The following ADGRE3 variants were observed in gnomAD, a reference collection of about 807,000 sequenced individuals.
The protein encoded by ADGRE3 is adhesion G protein-coupled receptor E3.
In ADGRE3, 88 loss-of-function variants were observed where a neutral mutation model predicts 80.1. That is an observed-to-expected ratio of 1.10 (90% CI 0.93 to 1.31). The LOEUF (loss-of-function observed/expected upper bound fraction) is 1.31. ADGRE3 is among the 40% of genes most tolerant of loss of function. The probability of loss-of-function intolerance (pLI) is 0.00; values close to 1 mark genes in which losing one functional copy is unlikely to be tolerated. For missense variants in ADGRE3, 715 were observed against 776.5 expected, an observed-to-expected ratio of 0.92 and a Z score of 0.94; for synonymous variants, 281 against 294.8, an observed-to-expected ratio of 0.95 and a Z score of 0.48.
intron 11 of ADGRE3, among the ~76,000 whole-genome samples, chr19:14,636,093 T>TCC (rs1971058303): frequency 5.1e-5 from 2 of 39,158 alleles, no homozygotes; most frequent in Admixed American, 3.2e-4. Context: ...TTTCTTTCTT[T>TCC]CTTTCTTTCT....
At chr19:14,648,607 T>A (rs369991564) in intron 7 of ADGRE3, among the ~76,000 whole-genome samples, 113 of 152,302 alleles carry the variant, frequency 7.4e-4, no homozygotes, top group African/African-American at 2.6e-3. Flanking sequence ...TCCCCAGACA[T>A]GAGGCATGGA....
At chr19:14,650,431 G>A (rs1346805647) in intron 7 of ADGRE3, among the ~76,000 whole-genome samples, 3 of 84,548 alleles carry the variant, frequency 3.5e-5, no homozygotes, top group South Asian at 8.5e-4. Context: ...TCTTTCCATC[G>A]CTCTCCCCAT....
the ADGRE3 span, chr19:14,607,013 T>C: frequency 7.7e-7 from 1 of 1,303,778 alleles, no homozygotes; most frequent in Non-Finnish European, 9.8e-7. Context: ...CCAAGGCCCA[T>C]GGCTCTCCAC....
At chr19:14,670,813 G>A (rs1972234715) in intron 1 of ADGRE3, among the ~76,000 whole-genome samples, 1 of 152,226 alleles carries the variant, frequency 6.6e-6, no homozygotes, top group South Asian at 2.1e-4. Context: ...TGGCAGAGCT[G>A]AGGTTAAACA....
chr19:14,644,327 T>TTC, intron 8 of ADGRE3, 52 bp from the exon 9 acceptor site: 1 of 1,130,836 alleles, frequency 8.8e-7, no homozygotes, highest in Non-Finnish European at 1.2e-6. Flanking sequence ...CTTTCTTTCT[T>TTC]TTTTTTTTTT....
In ADGRE3 at chr19:14,630,060, G is replaced by A; in HGVS notation, c.1791C>T (p.Val597=). Residue 597 remains valine, a synonymous_variant, in exon 14 of 16, where the codon GTC becomes GTT. Coordinates refer to ENST00000253673, the MANE Select transcript of ADGRE3 (RefSeq NM_032571.5). ...NSLQGFFIFL[V]YCLLSQQVQK... ...TTACCTGCTGGCTGAGGAGGCAGTA[G>A]ACCAAGAAGATGAAGAAGCCTTGGA... is the stretch of plus-strand genomic sequence containing the variant. The A allele has an allele frequency of 6.2e-7, 1 of 1,609,746 alleles. No individual in the cohort carries two copies. Among genetic ancestry groups the A allele is most frequent in the African/African-American group, 1.3e-5 (1 of 74,888 alleles).
rs987646993 is a variant in ADGRE3 at position 14,642,625 on chromosome 19, CAT to C, written c.1051-1011_1051-1010del. ...TGTCTGTTGTTCCCCTCTTTGTGTC[CAT>C]ATGTCTCCTCATGTAGCTCCCACTT... is the stretch of plus-strand genomic sequence containing the variant. On this transcript the variant is annotated intron_variant, in intron 9 of 15. Coordinates refer to ENST00000253673, the MANE Select transcript of ADGRE3 (RefSeq NM_032571.5). Among the ~76,000 whole-genome samples the C allele has an allele frequency of 1.8e-4, 27 of 152,184 alleles. 1 individual carries two copies. The highest frequency in any genetic ancestry group is 5.8e-4 in the African/African-American group (24 of 41,532).
the ADGRE3 span, among the ~76,000 whole-genome samples, chr19:14,607,638 C>T: frequency 1.3e-4 from 19 of 151,838 alleles, no homozygotes; most frequent in African/African-American, 1.7e-4. Context: ...TGCAATGGTG[C>T]GATCTCAGCT....
chr19:14,611,143 C>T, the ADGRE3 span: 1 of 151,880 alleles, frequency 6.6e-6, no homozygotes, highest in African/African-American at 2.4e-5. Flanking sequence ...AAATTACAAA[C>T]CTAAAAATAC....
intron 1 of ADGRE3, among the ~76,000 whole-genome samples, chr19:14,669,236 A>G (rs1327327251): frequency 1.3e-5 from 2 of 152,240 alleles, no homozygotes; most frequent in Non-Finnish European, 2.9e-5. Context: ...CAGCCATAAG[A>G]AAGAATGAAA....
the ADGRE3 span, chr19:14,610,142 T>C: frequency 6.2e-7 from 1 of 1,604,290 alleles, no homozygotes; most frequent in Non-Finnish European, 8.5e-7. Context: ...CCTGGAATGA[T>C]CTCTCTTGCT....
At chr19:14,643,144 G>GTTTTTTT (rs373306807) in intron 9 of ADGRE3, among the ~76,000 whole-genome samples, 2 of 124,066 alleles carry the variant, frequency 1.6e-5, no homozygotes, top group African/African-American at 3.0e-5. Context: ...AGTAATCATG[G>GTTTTTTT]TTTTTTTTTT....
At chr19:14,607,553 A>T in the ADGRE3 span, among the ~76,000 whole-genome samples, 6 of 93,572 alleles carry the variant, frequency 6.4e-5, no homozygotes, top group East Asian at 7.3e-4. Flanking sequence ...TTATTTTATT[A>T]TTTATTTATT....
the ADGRE3 span, among the ~76,000 whole-genome samples, chr19:14,611,602 G>T: frequency 6.6e-6 from 1 of 152,006 alleles, no homozygotes; most frequent in Non-Finnish European, 1.5e-5. Context: ...ACATAGTGTG[G>T]CCAGGCAGGC....
chr19:14,605,543 T>C, the ADGRE3 span, among the ~76,000 whole-genome samples: 2 of 152,346 alleles, frequency 1.3e-5, no homozygotes, highest in Non-Finnish European at 2.9e-5. Flanking sequence ...AACTAACCAA[T>C]ATTTATAATC....
chr19:14,602,611 C>T, the ADGRE3 span, among the ~76,000 whole-genome samples: 13 of 151,980 alleles, frequency 8.6e-5, no homozygotes, highest in African/African-American at 2.7e-4. Context: ...ATTTTTAGAC[C>T]GTTTACATTT....
chr19:14,617,340 C>T (rs564692033), downstream of ADGRE3, among the ~76,000 whole-genome samples: 1,251 of 31,036 alleles, frequency 0.04, 26 homozygotes, highest in African/African-American at 0.085. Context: ...CTCCCTCCCT[C>T]CCTTTCTTTC....
At chr19:14,612,507 G>A in the ADGRE3 span, among the ~76,000 whole-genome samples, 1 of 152,006 alleles carries the variant, frequency 6.6e-6, no homozygotes. Context: ...GTTAATTCTT[G>A]TATTTTTTGT....
At chr19:14,602,987 G>T in the ADGRE3 span, among the ~76,000 whole-genome samples, 1 of 151,832 alleles carries the variant, frequency 6.6e-6, no homozygotes, top group African/African-American at 2.4e-5. Flanking sequence ...CACCTGCCTT[G>T]GCCTCCCAAA....
Sources: allele counts gnomAD v4.1 joint callset (sites outside exome capture counted in the v4.1 genomes callset), GRCh38; gene constraint gnomAD v4.1.1; transcripts MANE v1.5; gene names NCBI Gene and HGNC (gene_info 2026-07-23, HGNC 2026-07-21).